PAG1: variants seen among roughly 807,000 people sequenced by gnomAD.
PAG1 encodes phosphoprotein associated with glycosphingolipid-enriched microdomains 1.
In PAG1, 23 loss-of-function variants were observed where a neutral mutation model predicts 31.7. That is an observed-to-expected ratio of 0.73 (90% CI 0.52 to 1.03). PAG1 has a LOEUF of 1.03. PAG1 is among the 50% of genes least tolerant of loss of function. The probability of loss-of-function intolerance (pLI) is 0.00; values close to 1 mark genes in which losing one functional copy is unlikely to be tolerated. For synonymous variants in PAG1, 214 were observed against 210.3 expected (o/e 1.02, Z -0.15); for missense variants, 473 against 540.7 (o/e 0.87, Z 1.24).
Position 80,968,293 on chromosome 8 carries a change from G to A in PAG1, c.*8251C>T, listed in dbSNP as rs1187996308. The A allele has an allele frequency of 6.6e-6, 1 of 152,206 alleles. No individual in the cohort carries two copies. The highest frequency in any genetic ancestry group is 1.9e-4 in the East Asian group (1 of 5,196). The allele number at this position is 152,206 out of a possible 1,614,324, so 9.4% of individuals were successfully genotyped here. On this transcript the variant is annotated 3_prime_UTR_variant, in exon 9 of 9. Transcript: ENST00000220597. ...ATAACATCTCTATGAGGTAGGCAAT[G>A]GTTAGTATCATTATCCCCATTTTGT...
intron 2 of PAG1, among the ~76,000 whole-genome samples, chr8:81,047,517 A>T (rs1808661421): frequency 6.6e-6 from 1 of 152,050 alleles, no homozygotes; most frequent in Admixed American, 6.6e-5. Context: ...ATTTTGGAGG[A>T]ATGTATACAA....
chr8:81,038,102 A>C (rs939015151), intron 2 of PAG1, among the ~76,000 whole-genome samples: 2 of 152,146 alleles, frequency 1.3e-5, no homozygotes, highest in Non-Finnish European at 2.9e-5. Context: ...TCTGGGGATC[A>C]CTCAAGGGGT....
In PAG1 at chr8:81,051,767, G is replaced by A. The variant is rs562903174; in HGVS notation, c.-175+18345C>T. Among the ~76,000 whole-genome samples the A allele has an allele frequency of 7.9e-5, 12 of 152,266 alleles. No homozygotes were observed. The South Asian group carries it at 1.0e-3, about 13-fold the overall frequency. On this transcript the variant is annotated intron_variant, in intron 2 of 8. Coordinates refer to ENST00000220597, the MANE Select transcript of PAG1 (RefSeq NM_018440.4). ...TTGCCATCAGCAAATACAGTGTCAT[G>A]TGCCATTTTCAGTTACGTAAAAAAT...
At chr8:81,061,124 T>A (rs1808910732) in intron 2 of PAG1, among the ~76,000 whole-genome samples, 1 of 152,230 alleles carries the variant, frequency 6.6e-6, no homozygotes, top group South Asian at 2.1e-4. Context: ...AAGATTAGAC[T>A]CAGGCTACTG....
intron 1 of PAG1, among the ~76,000 whole-genome samples, chr8:81,075,216 T>C (rs1354377532): frequency 6.6e-6 from 1 of 152,260 alleles, no homozygotes; most frequent in Non-Finnish European, 1.5e-5. Flanking sequence ...TGTGGCTTTT[T>C]AGAAGTTTAG....
At chr8:81,038,871 T>C (rs976232722) in intron 2 of PAG1, among the ~76,000 whole-genome samples, 1 of 152,190 alleles carries the variant, frequency 6.6e-6, no homozygotes, top group Non-Finnish European at 1.5e-5. Flanking sequence ...ATGATCTACA[T>C]GGAACTTTAG....
intron 2 of PAG1, among the ~76,000 whole-genome samples, chr8:81,044,646 G>T (rs1248699802): frequency 1.3e-5 from 2 of 152,046 alleles, no homozygotes; most frequent in Non-Finnish European, 2.9e-5. Flanking sequence ...TAAAACAGTG[G>T]GTCAAGTCCA....
chr8:81,051,605 T>C (rs1326490953), intron 2 of PAG1, among the ~76,000 whole-genome samples: 2 of 152,190 alleles, frequency 1.3e-5, no homozygotes, highest in South Asian at 2.1e-4. Context: ...GGTTTTTACA[T>C]TCTTAAGACA....
intron 3 of PAG1, among the ~76,000 whole-genome samples, chr8:81,007,063 C>G (rs1212865482): frequency 6.6e-6 from 1 of 152,128 alleles, no homozygotes; most frequent in Non-Finnish European, 1.5e-5. Flanking sequence ...CCCTTCACTT[C>G]TCTATGCTAC....
chr8:81,026,462 T>C (rs1403349046), intron 3 of PAG1, among the ~76,000 whole-genome samples: 1 of 148,872 alleles, frequency 6.7e-6, no homozygotes, highest in African/African-American at 2.5e-5. Flanking sequence ...ATAGCATTGG[T>C]GAAACAAGGC....
chr8:81,052,505 T>C (rs1304541513), intron 2 of PAG1, among the ~76,000 whole-genome samples: 1 of 152,236 alleles, frequency 6.6e-6, no homozygotes, highest in African/African-American at 2.4e-5. Flanking sequence ...TAAAGCAGAA[T>C]GTAAAATCAT....
chr8:80,985,284 C>A lies in PAG1; in HGVS notation c.368G>T (p.Gly123Val). The A allele has an allele frequency of 1.2e-6, 2 of 1,614,126 alleles. No homozygotes were observed. Among genetic ancestry groups the A allele is most frequent in the Non-Finnish European group, 1.7e-6 (2 of 1,180,026 alleles). Residue 123 changes from glycine (G) to valine (V), a missense_variant, in exon 7 of 9, where the codon GGG becomes GTG. Transcript: ENST00000220597. ...CCGACTCTGATGACATTTTGGTTTCCCTGTGCTGTCCTGGGAATCCAGCAG... is the reference window on the plus strand; with the variant it reads ...CCGACTCTGATGACATTTTGGTTTCACTGTGCTGTCCTGGGAATCCAGCAG... ...SDLLDSQDST[G>V]KPKCHQSREL...
In PAG1 at chr8:81,049,489, A is replaced by G. The variant is rs1261049736; in HGVS notation, c.-174-19400T>C. Among the ~76,000 whole-genome samples the G allele has an allele frequency of 2.6e-5, 4 of 152,358 alleles. No homozygotes were observed. The South Asian group carries it at 8.3e-4, about 32-fold the overall frequency. ...CTAAGCACATAAAGGAATTACAATT[A>G]TACCTAAATAAATATAGGGTTTAAA... On this transcript the variant is annotated intron_variant, in intron 2 of 8. Transcript: ENST00000220597.
intron 7 of PAG1, among the ~76,000 whole-genome samples, chr8:80,982,456 C>T: frequency 6.6e-6 from 1 of 152,174 alleles, no homozygotes; most frequent in East Asian, 1.9e-4. Context: ...TCTGCTGGTT[C>T]CTTTTCCAGA....
At chr8:80,980,252 C>T (rs1378368706) in intron 8 of PAG1, among the ~76,000 whole-genome samples, 183 bp downstream of exon 8, 1 of 152,204 alleles carries the variant, frequency 6.6e-6, no homozygotes, top group Admixed American at 6.5e-5. Context: ...TCCTTCTTGT[C>T]TGGCCTGCCC....
chr8:80,976,585 T>G lies in PAG1; in HGVS notation c.1258A>C (p.Ile420Leu), dbSNP rs752800409. The G allele has an allele frequency of 3.1e-6, 5 of 1,613,916 alleles. No homozygotes were observed. Among genetic ancestry groups the G allele is most frequent in the Non-Finnish European group, 4.2e-6 (5 of 1,179,952 alleles). The part of the protein sequence containing the change: ...LVPKENDYES[I>L]SDLQQGRDIT... Reference sequence around the variant, plus strand: ...TCTCTGCCTTGCTGCAAGTCACTTATGCTCTCGTAGTCGTTCTCCTTTGGG... The same window carrying G: ...TCTCTGCCTTGCTGCAAGTCACTTAGGCTCTCGTAGTCGTTCTCCTTTGGG... Residue 420 changes from isoleucine (I) to leucine (L), a missense_variant, in exon 9 of 9, where the codon ATA becomes CTA. Transcript: ENST00000220597.
Position 80,990,083 on chromosome 8 carries a change from G to A in PAG1, c.177+1396C>T, listed in dbSNP as rs1397685062. On this transcript the variant is annotated intron_variant, in intron 5 of 8. Coordinates refer to ENST00000220597, the MANE Select transcript of PAG1 (RefSeq NM_018440.4). The surrounding 1 kb of genome is among the most constrained non-coding windows in gnomAD (Gnocchi z 5.1). ...CCACCACAGCAGCAATCACCAGGCA[G>A]AGCAGGGGCGCTGGGAACAGATGAG... Among the ~76,000 whole-genome samples the A allele has an allele frequency of 6.8e-6, 1 of 146,550 alleles. No individual in the cohort carries two copies. The highest frequency in any genetic ancestry group is 1.5e-5 in the Non-Finnish European group (1 of 66,396).
At chr8:81,025,007 C>T (rs1314631071) in intron 3 of PAG1, among the ~76,000 whole-genome samples, 1 of 152,162 alleles carries the variant, frequency 6.6e-6, no homozygotes, top group East Asian at 1.9e-4. Context: ...TAATTCAGTT[C>T]TATCCTCCAT....
intron 1 of PAG1, among the ~76,000 whole-genome samples, chr8:81,086,649 CA>C (rs1333096196): frequency 6.6e-6 from 1 of 151,922 alleles, no homozygotes; most frequent in Non-Finnish European, 1.5e-5. Context: ...ACAGCCCAAA[CA>C]AAAAACAGGC....
Sources: gnomAD v4.1 joint callset for allele counts (sites outside exome capture counted in the v4.1 genomes callset) on GRCh38, gnomAD v4.1.1 for gene constraint, Gnocchi (gnomAD v3.1) non-coding constraint, MANE v1.5 for transcripts, NCBI Gene and HGNC (gene_info 2026-07-23, HGNC 2026-07-21) for gene names.